Variants in WDFY1 observed in about 807,000 individuals in gnomAD.
WDFY1 encodes the protein WD repeat and FYVE domain containing 1.
A neutral mutation model predicts 56.4 loss-of-function variants in WDFY1; 32 were observed. That is an observed-to-expected ratio of 0.57 (90% CI 0.43 to 0.76). The LOEUF is 0.76. Ranked by LOEUF, WDFY1 falls within the 30% of genes least tolerant of loss-of-function variation. The probability of loss-of-function intolerance (pLI) is 0.00; values close to 1 mark genes in which losing one functional copy is unlikely to be tolerated. For synonymous variants in WDFY1, 192 were observed against 197.3 expected (o/e 0.97, Z 0.23); for missense variants, 480 against 545.7 (o/e 0.88, Z 1.20).
intron 3 of WDFY1, among the ~76,000 whole-genome samples, chr2:223,911,560 G>A (rs1157027077): frequency 6.9e-6 from 1 of 143,940 alleles, no homozygotes; most frequent in East Asian, 2.1e-4. Flanking sequence ...GTTGCTAGCT[G>A]AATGACCACA....
chr2:223,884,813 T>A, intron 8 of WDFY1, 64 bp from the exon 9 acceptor site: 1 of 1,431,816 alleles, frequency 7.0e-7, no homozygotes, highest in Non-Finnish European at 9.8e-7. Context: ...GTTTCAAAAT[T>A]AATACAACAG....
Position 223,887,282 on chromosome 2 carries a change from A to G in WDFY1, c.832-2533T>C, listed in dbSNP as rs536911096. 3.9e-4 allele frequency among the ~76,000 whole-genome samples: 60 copies of G among 152,196 alleles called. 1 individual carries two copies. Among genetic ancestry groups the G allele is most frequent in the Non-Finnish European group, 6.5e-4 (44 of 68,040 alleles). ...AGGGTATTTAATTGCCGGAAGAAGG[A>G]AAGTTCTTATGTCTGGGACATGCCC... is the stretch of plus-strand genomic sequence containing the variant. On this transcript the variant is annotated intron_variant, in intron 8 of 11. Transcript: ENST00000233055.
chr2:223,944,998 A>C, intron 1 of WDFY1, 150 bp downstream of exon 1: 1 of 920,524 alleles, frequency 1.1e-6, no homozygotes, highest in Non-Finnish European at 1.5e-6. Context: ...GGAACCGGGA[A>C]CCCGGCGGAG....
chr2:223,943,931 T>C lies in WDFY1; in HGVS notation c.137+1217A>G, dbSNP rs373740373. ...TCCCAAAAGCATGGTGGGCGTCCAATGCAAGATGTCACAGTGCAAGAGAGG... is the reference window on the plus strand; with the variant it reads ...TCCCAAAAGCATGGTGGGCGTCCAACGCAAGATGTCACAGTGCAAGAGAGG... On this transcript the variant is annotated intron_variant, in intron 1 of 11. Coordinates refer to ENST00000233055, the MANE Select transcript of WDFY1 (RefSeq NM_020830.5). 6.6e-5 allele frequency among the ~76,000 whole-genome samples: 10 copies of C among 152,348 alleles called. No individual in the cohort carries two copies. The East Asian group carries it at 1.9e-3, about 29-fold the overall frequency.
intron 1 of WDFY1, among the ~76,000 whole-genome samples, chr2:223,920,566 C>T (rs1693870845): frequency 6.6e-6 from 1 of 152,228 alleles, no homozygotes. Flanking sequence ...CTGTATGTAA[C>T]CTCCAGAGCC....
intron 4 of WDFY1, among the ~76,000 whole-genome samples, chr2:223,903,387 G>A (rs1435053207): frequency 6.6e-6 from 1 of 152,028 alleles, no homozygotes; most frequent in Admixed American, 6.6e-5. Context: ...GCTGGCCGTG[G>A]TGGCTCGCAC....
At chr2:223,929,189 G>GTTTTTTTT (rs566936287) in intron 1 of WDFY1, among the ~76,000 whole-genome samples, 1 of 28,922 alleles carries the variant, frequency 3.5e-5, no homozygotes, top group African/African-American at 5.9e-5. Context: ...TCTGTTTTTT[G>GTTTTTTTT]TTTTTTTTTT....
At chr2:223,928,505 C>T (rs544755578) in intron 1 of WDFY1, among the ~76,000 whole-genome samples, 29 of 152,232 alleles carry the variant, frequency 1.9e-4, no homozygotes, top group South Asian at 1.4e-3. Flanking sequence ...ACCTGCTGAC[C>T]GACCTCCCCA....
At chr2:223,918,651 CAAAT>C (rs1693835889) in intron 1 of WDFY1, among the ~76,000 whole-genome samples, 2 of 150,656 alleles carry the variant, frequency 1.3e-5, no homozygotes, top group Non-Finnish European at 3.0e-5. Flanking sequence ...AAAAGAAAAA[CAAAT>C]GTTCATTACA....
intron 1 of WDFY1, among the ~76,000 whole-genome samples, chr2:223,940,445 T>C (rs1273699667): frequency 6.6e-6 from 1 of 152,194 alleles, no homozygotes; most frequent in African/African-American, 2.4e-5. Context: ...TGACTGTACC[T>C]ACCTTATAGG....
At chr2:223,937,264 C>G (rs1689199121) in intron 1 of WDFY1, among the ~76,000 whole-genome samples, 1 of 152,154 alleles carries the variant, frequency 6.6e-6, no homozygotes, top group African/African-American at 2.4e-5. Context: ...TTCACTTATT[C>G]ACGTGCACAC....
At position 223,931,458 on chromosome 2, in the gene WDFY1, A is replaced by G. The variant is rs6733516; in HGVS notation, c.138-13448T>C. ...GCTGAAAGATATGCCTGATGATCATAATAAGTAGAAGGATTCCTTTTTATT... is the reference window on the plus strand; with the variant it reads ...GCTGAAAGATATGCCTGATGATCATGATAAGTAGAAGGATTCCTTTTTATT... On this transcript the variant is annotated intron_variant, in intron 1 of 11. Coordinates refer to ENST00000233055, the MANE Select transcript of WDFY1 (RefSeq NM_020830.5). Among the ~76,000 whole-genome samples the G allele has an allele frequency of 7.4e-3, 1,125 of 152,324 alleles. 23 individuals carry two copies. The highest frequency in any genetic ancestry group is 0.025 in the African/African-American group (1,059 of 41,564).
intron 8 of WDFY1, among the ~76,000 whole-genome samples, chr2:223,884,988 T>C (rs1330550590): frequency 2.0e-5 from 3 of 150,452 alleles, no homozygotes; most frequent in Non-Finnish European, 4.4e-5. Flanking sequence ...ACTACAGGCA[T>C]GCACTACCAC....
chr2:223,891,150 C>T (rs890089829), intron 8 of WDFY1, among the ~76,000 whole-genome samples: 6 of 151,826 alleles, frequency 4.0e-5, no homozygotes, highest in Admixed American at 1.3e-4. Context: ...CTGAGGCGGG[C>T]GGATCACTTG....
intron 8 of WDFY1, among the ~76,000 whole-genome samples, chr2:223,888,882 C>A (rs1475902893): frequency 1.3e-5 from 2 of 149,378 alleles, no homozygotes; most frequent in Admixed American, 6.8e-5. Flanking sequence ...GTCACCGTGC[C>A]TGGCCTAAAT....
chr2:223,906,055 A>G (rs1693594699), intron 3 of WDFY1, 54 bp from the exon 4 acceptor site: 1 of 1,409,872 alleles, frequency 7.1e-7, no homozygotes, highest in Non-Finnish European at 9.5e-7. Flanking sequence ...TTTAAAAAAC[A>G]ACAGAAACTT....
At chr2:223,933,694 C>T (rs142683443) in intron 1 of WDFY1, among the ~76,000 whole-genome samples, 177 of 151,914 alleles carry the variant, frequency 1.2e-3, no homozygotes, top group African/African-American at 2.3e-3. Context: ...TGGTGGCACA[C>T]GTCTGTTATC....
Position 223,915,353 on chromosome 2 carries a change from A to T in WDFY1, c.205+2590T>A, listed in dbSNP as rs529265968. On this transcript the variant is annotated intron_variant, in intron 2 of 11. Coordinates refer to ENST00000233055, the MANE Select transcript of WDFY1 (RefSeq NM_020830.5). ...AGTTAAGCCAAGTTAGAAAAGGCTG[A>T]AGACAGAGAGATCCACTGCCACTTG... Among the ~76,000 whole-genome samples the T allele has an allele frequency of 2.6e-5, 4 of 152,370 alleles. No individual in the cohort carries two copies. The South Asian group carries it at 8.3e-4, about 32-fold the overall frequency.
At chr2:223,939,563 G>A (rs1160007106) in intron 1 of WDFY1, among the ~76,000 whole-genome samples, 1 of 152,182 alleles carries the variant, frequency 6.6e-6, no homozygotes, top group Non-Finnish European at 1.5e-5. Context: ...TCACAATCAT[G>A]GTGGAAGGCA....
Sources: allele counts gnomAD v4.1 joint callset (sites outside exome capture counted in the v4.1 genomes callset), GRCh38; gene constraint gnomAD v4.1.1; transcripts MANE v1.5; gene names NCBI Gene and HGNC (gene_info 2026-07-23, HGNC 2026-07-21).